FTCDNL1: variants seen among roughly 807,000 people sequenced by gnomAD.
The protein encoded by FTCDNL1 is formiminotransferase cyclodeaminase N-terminal like, also known as formiminotransferase N-terminal subdomain-containing protein.
In FTCDNL1, 11 loss-of-function variants were observed where a neutral mutation model predicts 5.9. The ratio of observed to expected loss-of-function variants is 1.87; its 90% confidence interval spans 1.18 to 3.10. FTCDNL1 has a LOEUF of 3.10. Among genes scored for constraint, FTCDNL1 ranks in the 30% most tolerant of loss-of-function variants. FTCDNL1 has a pLI of 0.00. For missense variants in FTCDNL1, 115 were observed against 65.5 expected, an observed-to-expected ratio of 1.76 and a Z score of -2.61; for synonymous variants, 58 against 24.8, an observed-to-expected ratio of 2.34 and a Z score of -3.99.
chr2:199,846,081 T>A lies in FTCDNL1; in HGVS notation c.205A>T (p.Lys69Ter). Residue 69 changes from lysine (K) to a stop codon, truncating the protein, a stop_gained, in exon 3 of 5, where the codon AAG becomes TAG. Coordinates refer to ENST00000420128, the MANE Select transcript of FTCDNL1 (RefSeq NM_001363886.2). LOFTEE classifies it high-confidence loss of function. ...SVITIATSVD[K>*]LGLAEDLVLH... The stretch of plus-strand genomic sequence containing the variant: ...AAAGAAACTGAAATCTTACCCAACT[T>A]ATCAACAGAAGTTGCTATTGTAATG... 1 of 693,026 alleles carries A rather than the reference T, an allele frequency of 1.4e-6. No individual in the cohort carries two copies. Among genetic ancestry groups the A allele is most frequent in the Non-Finnish European group, 2.6e-6 (1 of 381,970 alleles). 42.9% of individuals were successfully genotyped at this position (693,026 alleles called of 1,614,324 possible). A position where few individuals can be genotyped will look rare whatever the true frequency, so the allele number is the denominator to read the frequency against.
intron 3 of FTCDNL1, among the ~76,000 whole-genome samples, chr2:199,776,558 C>A (rs562669594): frequency 6.6e-6 from 1 of 152,198 alleles, no homozygotes; most frequent in African/African-American, 2.4e-5. Flanking sequence ...AAAGGTACCA[C>A]TCGGGTCCTC....
chr2:199,746,403 A>G, the FTCDNL1 span, among the ~76,000 whole-genome samples: 1 of 152,074 alleles, frequency 6.6e-6, no homozygotes, highest in Non-Finnish European at 1.5e-5. Flanking sequence ...GTTAGAATCC[A>G]CTCTTAGACT....
downstream of FTCDNL1, among the ~76,000 whole-genome samples, chr2:199,804,678 G>T (rs866825224): frequency 3.9e-5 from 6 of 152,238 alleles, no homozygotes; most frequent in Middle Eastern, 3.4e-3. Context: ...GTAACCATGC[G>T]TGGGCTGTTT....
chr2:199,750,850 A>G, the FTCDNL1 span, among the ~76,000 whole-genome samples: 5 of 152,372 alleles, frequency 3.3e-5, no homozygotes, highest in South Asian at 4.1e-4. Flanking sequence ...GATGAAAAAC[A>G]TAATTTTGCC....
the FTCDNL1 span, among the ~76,000 whole-genome samples, chr2:199,723,664 C>A: frequency 6.6e-6 from 1 of 152,012 alleles, no homozygotes; most frequent in Non-Finnish European, 1.5e-5. Flanking sequence ...GTCTTCAGTT[C>A]CATTTATATG....
chr2:199,724,943 A>T, the FTCDNL1 span, among the ~76,000 whole-genome samples: 9 of 151,092 alleles, frequency 6.0e-5, no homozygotes, highest in Non-Finnish European at 1.2e-4. Context: ...ATCTTTAAAA[A>T]ATTTTTTTTC....
downstream of FTCDNL1, among the ~76,000 whole-genome samples, chr2:199,759,780 C>T (rs140891487): frequency 1.3e-5 from 2 of 152,208 alleles, no homozygotes; most frequent in African/African-American, 4.8e-5. Flanking sequence ...CCTGATAAAA[C>T]CAATTGTTTC....
the FTCDNL1 span, among the ~76,000 whole-genome samples, chr2:199,743,972 C>T: frequency 1.3e-5 from 2 of 152,080 alleles, no homozygotes; most frequent in African/African-American, 2.4e-5. Context: ...ATGCCTGTTG[C>T]CTAAGCTTCT....
intron 3 of FTCDNL1, among the ~76,000 whole-genome samples, chr2:199,798,246 C>T (rs1700267417): frequency 6.6e-6 from 1 of 152,126 alleles, no homozygotes; most frequent in African/African-American, 2.4e-5. Context: ...AACACCAGGG[C>T]TTGGAATTCA....
At chr2:199,666,346 A>G in the FTCDNL1 span, among the ~76,000 whole-genome samples, 1 of 152,240 alleles carries the variant, frequency 6.6e-6, no homozygotes. Flanking sequence ...AAGCAATCAA[A>G]GAGCTATTAC....
chr2:199,770,213 T>A (rs924469062), intron 3 of FTCDNL1, among the ~76,000 whole-genome samples: 2 of 152,222 alleles, frequency 1.3e-5, no homozygotes, highest in African/African-American at 4.8e-5. Context: ...GCTGTAGCAG[T>A]CACTCCTTAG....
chr2:199,748,347 C>G, the FTCDNL1 span, among the ~76,000 whole-genome samples: 1 of 152,156 alleles, frequency 6.6e-6, no homozygotes, highest in African/African-American at 2.4e-5. Context: ...AGAACTCTCT[C>G]CTAAACTACA....
chr2:199,735,070 T>C, the FTCDNL1 span, among the ~76,000 whole-genome samples: 1 of 142,352 alleles, frequency 7.0e-6, no homozygotes, highest in South Asian at 2.4e-4. Flanking sequence ...GACGAGAATG[T>C]TCTTAAACCC....
the FTCDNL1 span, among the ~76,000 whole-genome samples, chr2:199,738,735 T>A: frequency 6.6e-6 from 1 of 152,188 alleles, no homozygotes; most frequent in East Asian, 1.9e-4. Context: ...GTGTGAATGC[T>A]GAATTCAACT....
intron 3 of FTCDNL1, among the ~76,000 whole-genome samples, chr2:199,774,615 G>GT (rs936128300): frequency 2.6e-5 from 4 of 151,890 alleles, no homozygotes; most frequent in South Asian, 2.1e-4. Flanking sequence ...GGTTTTAAGG[G>GT]TTTTTTTTAG....
the FTCDNL1 span, among the ~76,000 whole-genome samples, chr2:199,689,515 A>G: frequency 6.6e-6 from 1 of 152,138 alleles, no homozygotes; most frequent in East Asian, 1.9e-4. Context: ...TTAGTGAGTC[A>G]CCAATTATTC....
At chr2:199,806,918 G>C (rs1263971363), downstream of FTCDNL1, among the ~76,000 whole-genome samples, 2 of 152,138 alleles carry the variant, frequency 1.3e-5, no homozygotes, top group African/African-American at 4.8e-5. Flanking sequence ...CATCAATTTT[G>C]GCCTCTTCAC....
the FTCDNL1 span, among the ~76,000 whole-genome samples, chr2:199,708,039 T>A: frequency 2.0e-5 from 3 of 152,134 alleles, no homozygotes; most frequent in Non-Finnish European, 4.4e-5. Context: ...CTCCTTTTCC[T>A]CTTAGATTCC....
the FTCDNL1 span, among the ~76,000 whole-genome samples, chr2:199,690,518 T>C: frequency 6.6e-6 from 1 of 152,192 alleles, no homozygotes; most frequent in East Asian, 1.9e-4. Context: ...TTTCTGTGAT[T>C]AGCAAACTCT....
Sources: allele counts gnomAD v4.1 joint callset (sites outside exome capture counted in the v4.1 genomes callset), GRCh38; gene constraint gnomAD v4.1.1; transcripts MANE v1.5; gene names NCBI Gene and HGNC (gene_info 2026-07-23, HGNC 2026-07-21).